Variants in FAM210B observed in about 807,000 individuals in gnomAD.
FAM210B encodes mitochondrial inner membrane scaffold 2.
In FAM210B, 11 loss-of-function variants were observed where a neutral mutation model predicts 14.9. The observed-to-expected ratio is 0.74, with a 90% CI of 0.46 to 1.22. The LOEUF (loss-of-function observed/expected upper bound fraction) is 1.22, where lower values mean the gene tolerates loss of function less well. FAM210B is among the 50% of genes most tolerant of loss of function. The pLI, the probability that FAM210B is intolerant of heterozygous loss-of-function variation, is 0.00. For missense variants in FAM210B, 229 were observed against 250.1 expected (o/e 0.92, Z 0.57); for synonymous variants, 113 against 110.2 (o/e 1.03, Z -0.16).
intron 1 of FAM210B, among the ~76,000 whole-genome samples, chr20:56,361,343 C>G (rs1983528479): frequency 6.6e-6 from 1 of 152,138 alleles, no homozygotes; most frequent in Non-Finnish European, 1.5e-5. Flanking sequence ...GTATTTTACT[C>G]TTCTGTTTAT....
Position 56,360,562 on chromosome 20 carries a change from C to G in FAM210B, c.186+1371C>G, listed in dbSNP as rs148773022. 417 of 204,628 alleles carry G rather than the reference C, an allele frequency of 2.0e-3. 4 individuals are homozygous for G. Among genetic ancestry groups the G allele is most frequent in the African/African-American group, 8.7e-3 (382 of 43,744 alleles). 12.7% of individuals were successfully genotyped at this position (204,628 alleles called of 1,614,324 possible). On this transcript the variant is annotated intron_variant, in intron 1 of 2. Transcript: ENST00000371384. ...AATTCCCTTCTCTCTATCTCAGGCC[C>G]CTCATCTGTAAAATGGGACGTTAAT...
chr20:56,366,287 A>G lies in FAM210B; in HGVS notation c.579A>G (p.Ter193=). The G allele has an allele frequency of 6.2e-7, 1 of 1,613,526 alleles. No homozygotes were observed. The highest frequency in any genetic ancestry group is 8.5e-7 in the Non-Finnish European group (1 of 1,179,446). Residue 193 remains the stop codon, a stop_retained_variant, in exon 3 of 3, where the codon TAA becomes TAG. Coordinates refer to ENST00000371384, the MANE Select transcript of FAM210B (RefSeq NM_080821.3). ...TTAAACCTCCAGCTGCAAAACCTTAATGAACTCTTCAGTCGTACACACTGA... is the reference window on the plus strand; with the variant it reads ...TTAAACCTCCAGCTGCAAAACCTTAGTGAACTCTTCAGTCGTACACACTGA... ...GFFKPPAAKP[*]
intron 2 of FAM210B, 41 bp downstream of exon 2, chr20:56,365,303 C>A: frequency 1.3e-6 from 2 of 1,582,970 alleles, no homozygotes; most frequent in Non-Finnish European, 1.7e-6. Flanking sequence ...TTTTTACTGT[C>A]ATGTAAGATT....
chr20:56,365,360 G>T (rs1983608876), intron 2 of FAM210B, 98 bp downstream of exon 2: 1 of 1,336,586 alleles, frequency 7.5e-7, no homozygotes. Flanking sequence ...TTTAAGACAG[G>T]GTCTCACTCC....
At position 56,359,441 on chromosome 20, in the gene FAM210B, C is replaced by T. The variant is rs1983488640; in HGVS notation, c.186+250C>T. Among the ~76,000 whole-genome samples the T allele has an allele frequency of 1.3e-5, 2 of 152,224 alleles. No homozygotes were observed. Among genetic ancestry groups the T allele is most frequent in the South Asian group, 2.1e-4 (1 of 4,834 alleles). On this transcript the variant is annotated intron_variant, in intron 1 of 2. Transcript: ENST00000371384. This position sits in a 1 kb window ranked among gnomAD's most constrained non-coding sequence, Gnocchi z 4.3. ...CTGCCCAAGGTCGCGCAGTCTTCGGCCGAGCCCCGGGTCTGCAGAGCCTCA... is the reference window on the plus strand; with the variant it reads ...CTGCCCAAGGTCGCGCAGTCTTCGGTCGAGCCCCGGGTCTGCAGAGCCTCA...
rs919647380 is a variant in FAM210B at position 56,363,724 on chromosome 20, A to G, written c.187-1363A>G. On this transcript the variant is annotated intron_variant, in intron 1 of 2. Transcript: ENST00000371384. This position sits in a 1 kb window ranked among gnomAD's most constrained non-coding sequence, Gnocchi z 4.1. Reference sequence around the variant, plus strand: ...TGTTAGCAGATGTCCCATGCAATCCATGATTTCTGTACAAGTCCTGGTAGG... The same window carrying G: ...TGTTAGCAGATGTCCCATGCAATCCGTGATTTCTGTACAAGTCCTGGTAGG... 2.0e-5 allele frequency among the ~76,000 whole-genome samples: 3 copies of G among 152,192 alleles called. No individual in the cohort carries two copies. Among genetic ancestry groups the G allele is most frequent in the East Asian group, 1.9e-4 (1 of 5,206 alleles).
Position 56,363,112 on chromosome 20 carries a change from G to T in FAM210B, c.187-1975G>T, listed in dbSNP as rs1983565836. ...ACATGTGCTGGCCAAAGAAAGGGGG[G>T]CTGATGACATCTTCCCTCCTCCCCT... On this transcript the variant is annotated intron_variant, in intron 1 of 2. Transcript: ENST00000371384. The surrounding 1 kb of genome is among the most constrained non-coding windows in gnomAD (Gnocchi z 4.1). 6.6e-6 allele frequency among the ~76,000 whole-genome samples: 1 copy of T among 152,216 alleles called. No individual in the cohort carries two copies. Among genetic ancestry groups the T allele is most frequent in the South Asian group, 2.1e-4 (1 of 4,828 alleles).
rs1052935319 is a variant in FAM210B, at chr20:56,368,146, A to C, written c.*1859A>C. 6.6e-6 allele frequency: 1 copy of C among 152,654 alleles called. No individual in the cohort carries two copies. The highest frequency in any genetic ancestry group is 1.5e-5 in the Non-Finnish European group (1 of 68,044). The allele number at this position is 152,654 out of a possible 1,614,324, so 9.5% of individuals were successfully genotyped here. A position where few individuals can be genotyped will look rare whatever the true frequency, so the allele number is the denominator to read the frequency against. On this transcript the variant is annotated 3_prime_UTR_variant, in exon 3 of 3. Transcript: ENST00000371384. ...TTGCCAAAAGGTTTTACTGTCTTAAAGCTGTCTTTCTGAGATCTAATTCCA... is the reference window on the plus strand; with the variant it reads ...TTGCCAAAAGGTTTTACTGTCTTAACGCTGTCTTTCTGAGATCTAATTCCA...
In FAM210B at chr20:56,362,329, ACACACACTGTCT is replaced by A. The variant is rs1294496362; in HGVS notation, c.187-2750_187-2739del. Among the ~76,000 whole-genome samples, 1 of 125,266 alleles carries A rather than the reference ACACACACTGTCT, an allele frequency of 8.0e-6. No homozygotes were observed. The highest frequency in any genetic ancestry group is 7.8e-5 in the Admixed American group (1 of 12,816). The allele number at this position is 125,266 out of a possible 152,430, so 82.2% of individuals were successfully genotyped here. On this transcript the variant is annotated intron_variant, in intron 1 of 2. Transcript: ENST00000371384. The surrounding 1 kb of genome is among the most constrained non-coding windows in gnomAD (Gnocchi z 4.8). ...GGGAGAGGCAGAAGGGGCATCTCAC[ACACACACTGTCT>A]CACACACACTCTCACACACATGTGC...
rs573962920 is a variant in FAM210B, at chr20:56,362,218, C to T, written c.187-2869C>T. Among the ~76,000 whole-genome samples, 4 of 152,256 alleles carry T rather than the reference C, an allele frequency of 2.6e-5. No homozygotes were observed. The highest frequency in any genetic ancestry group is 4.8e-5 in the African/African-American group (2 of 41,540). On this transcript the variant is annotated intron_variant, in intron 1 of 2. Coordinates refer to ENST00000371384, the MANE Select transcript of FAM210B (RefSeq NM_080821.3). This position sits in a 1 kb window ranked among gnomAD's most constrained non-coding sequence, Gnocchi z 4.8. ...AAAACAGGTGTCACTCCAAACACTG[C>T]GATCGGCTTGGCAAGGTCCTTGGCT...
intron 1 of FAM210B, 146 bp from the exon 2 acceptor site, chr20:56,364,941 G>A (rs1263161105): frequency 1.4e-6 from 1 of 735,898 alleles, no homozygotes; most frequent in East Asian, 2.9e-5. Flanking sequence ...ATGACAGAGT[G>A]AGACTCTGTC....
At chr20:56,360,717 C>T (rs183975943) in intron 1 of FAM210B, 166 of 157,146 alleles carry the variant, frequency 1.1e-3, no homozygotes, top group Non-Finnish European at 1.8e-3. Context: ...CCCAGGGCCC[C>T]GTGAGCTGTC....
At position 56,367,554 on chromosome 20, in the gene FAM210B, T is replaced by G; in HGVS notation, c.*1267T>G. 6.6e-6 allele frequency: 1 copy of G among 152,404 alleles called. No individual in the cohort carries two copies. Among genetic ancestry groups the G allele is most frequent in the East Asian group, 1.9e-4 (1 of 5,206 alleles). 9.4% of individuals were successfully genotyped at this position (152,404 alleles called of 1,614,324 possible). On this transcript the variant is annotated 3_prime_UTR_variant, in exon 3 of 3. Transcript: ENST00000371384. ...CTGGGGAGGCTGAGGCAGCATTGCT[T>G]GAACCCAGGAGGTGGAGGTTGCAGT...
At position 56,366,811 on chromosome 20, in the gene FAM210B, T is replaced by G. The variant is rs915842561; in HGVS notation, c.*524T>G. On this transcript the variant is annotated 3_prime_UTR_variant, in exon 3 of 3. Coordinates refer to ENST00000371384, the MANE Select transcript of FAM210B (RefSeq NM_080821.3). Reference sequence around the variant, plus strand: ...TCACAATCTAAATTAGCATCAATACTTTGACATTCATTACATTGGTTTGGG... The same window carrying G: ...TCACAATCTAAATTAGCATCAATACGTTGACATTCATTACATTGGTTTGGG... The G allele has an allele frequency of 7.1e-5, 11 of 154,530 alleles. No individual in the cohort carries two copies. Among genetic ancestry groups the G allele is most frequent in the African/African-American group, 2.7e-4 (11 of 41,472 alleles). 9.6% of individuals were successfully genotyped at this position (154,530 alleles called of 1,614,324 possible).
At chr20:56,361,475 C>T (rs1472019486) in intron 1 of FAM210B, among the ~76,000 whole-genome samples, 2 of 152,096 alleles carry the variant, frequency 1.3e-5, no homozygotes, top group Admixed American at 6.6e-5. Context: ...CATGAATACA[C>T]GAGGAGTAAC....
chr20:56,359,836 G>C lies in FAM210B; in HGVS notation c.186+645G>C, dbSNP rs1209076517. Among the ~76,000 whole-genome samples, 3 of 152,230 alleles carry C rather than the reference G, an allele frequency of 2.0e-5. No individual in the cohort carries two copies. The highest frequency in any genetic ancestry group is 7.2e-5 in the African/African-American group (3 of 41,472). On this transcript the variant is annotated intron_variant, in intron 1 of 2. Coordinates refer to ENST00000371384, the MANE Select transcript of FAM210B (RefSeq NM_080821.3). This position sits in a 1 kb window ranked among gnomAD's most constrained non-coding sequence, Gnocchi z 4.3. Reference sequence around the variant, plus strand: ...GTCCAGGAATGGCAAGCCCAGACACGCGGAGCCGGCGTCCAGCCCGGAGCG... The same window carrying C: ...GTCCAGGAATGGCAAGCCCAGACACCCGGAGCCGGCGTCCAGCCCGGAGCG...
Position 56,359,246 on chromosome 20 carries a change from C to G in FAM210B, c.186+55C>G. The stretch of plus-strand genomic sequence containing the variant: ...GGCGGTGTCCAGGTCCCCAGACGTC[C>G]GCAGGGCCGCGCCGGGGTCCGGCCG... On this transcript the variant is annotated intron_variant, in intron 1 of 2. Coordinates refer to ENST00000371384, the MANE Select transcript of FAM210B (RefSeq NM_080821.3). This position sits in a 1 kb window ranked among gnomAD's most constrained non-coding sequence, Gnocchi z 4.3. 2 of 1,212,906 alleles carry G rather than the reference C, an allele frequency of 1.6e-6. No homozygotes were observed. Among genetic ancestry groups the G allele is most frequent in the Admixed American group, 8.7e-5 (2 of 23,000 alleles). 75.1% of individuals were successfully genotyped at this position (1,212,906 alleles called of 1,614,324 possible). A position where few individuals can be genotyped will look rare whatever the true frequency, so the allele number is the denominator to read the frequency against.
At position 56,366,179 on chromosome 20, in the gene FAM210B, C is replaced by G; in HGVS notation, c.471C>G (p.His157Gln). The G allele has an allele frequency of 6.2e-7, 1 of 1,614,180 alleles. No homozygotes were observed. The highest frequency in any genetic ancestry group is 8.5e-7 in the Non-Finnish European group (1 of 1,180,038). The change falls in exon 3 of 3, where the codon CAC (histidine) becomes CAG (glutamine). Residue 157 changes from histidine to glutamine, a missense_variant. This residue lies in a region of FAM210B where 53 missense variants were observed against 55.4 expected (regional missense o/e 0.96). Coordinates refer to ENST00000371384, the MANE Select transcript of FAM210B (RefSeq NM_080821.3). ...TSTFVVAYAI[H>Q]KLFAPVRISI... ...CCTTCGTGGTGGCCTATGCAATCCA[C>G]AAGCTGTTTGCGCCAGTGAGAATCA...
rs919254179 is a variant in FAM210B at position 56,359,138 on chromosome 20, A to C, written c.133A>C (p.Arg45=). The C allele has an allele frequency of 9.9e-5, 125 of 1,266,460 alleles. No homozygotes were observed. The highest frequency in any genetic ancestry group is 3.1e-5 in the South Asian group (1 of 31,928). The allele number at this position is 1,266,460 out of a possible 1,614,324, so 78.5% of individuals were successfully genotyped here. A position where few individuals can be genotyped will look rare whatever the true frequency, so the allele number is the denominator to read the frequency against. The change falls in exon 1 of 3, where the codon AGG becomes CGG. Residue 45 remains arginine (R), a synonymous_variant. Transcript: ENST00000371384. This position sits in a 1 kb window ranked among gnomAD's most constrained non-coding sequence, Gnocchi z 4.3. ...CCTGGCCCTGGCCCTGCTCCCGCCCAGGCTAGACGCCCGGCTGCTCCGCAC... is the reference window on the plus strand; with the variant it reads ...CCTGGCCCTGGCCCTGCTCCCGCCCCGGCTAGACGCCCGGCTGCTCCGCAC... The part of the protein sequence containing the change: ...PPLALALLPP[R]LDARLLRTAR...
Sources: allele counts gnomAD v4.1 joint callset (sites outside exome capture counted in the v4.1 genomes callset), GRCh38; gene constraint gnomAD v4.1.1; regional missense constraint gnomAD v4.1.1; non-coding constraint Gnocchi (gnomAD v3.1); transcripts MANE v1.5; gene names NCBI Gene and HGNC (gene_info 2026-07-23, HGNC 2026-07-21).